The following LMF1 variants were observed in gnomAD, a reference collection of about 807,000 sequenced individuals.
The protein encoded by LMF1 is transmembrane protein 112.
Under a neutral mutation model 60.6 loss-of-function variants are expected in LMF1, and 68 were observed. The ratio of observed to expected loss-of-function variants is 1.12; its 90% CI spans 0.92 to 1.37. The LOEUF (loss-of-function observed/expected upper bound fraction) is 1.37. Among genes scored for constraint, LMF1 ranks in the 40% most tolerant of loss-of-function variants. LMF1 has a pLI of 0.00. For missense variants in LMF1, 948 were observed against 767.2 expected (o/e 1.24, Z -2.78); for synonymous variants, 418 against 324.7 (o/e 1.29, Z -3.09).
intron 5 of LMF1, among the ~76,000 whole-genome samples, chr16:883,043 C>T (rs570382734): frequency 4.5e-4 from 62 of 138,006 alleles, no homozygotes; most frequent in Admixed American, 2.3e-3. Context: ...CGGAGCCCAT[C>T]GCAGGACCAG....
intron 5 of LMF1, among the ~76,000 whole-genome samples, chr16:891,073 A>G (rs2070473291): frequency 2.0e-5 from 3 of 152,226 alleles, no homozygotes; most frequent in Non-Finnish European, 4.4e-5. Flanking sequence ...AGGCACAGGA[A>G]GAACTGGGTG....
intron 10 of LMF1, among the ~76,000 whole-genome samples, chr16:867,262 C>G (rs2069634923): frequency 6.6e-6 from 1 of 152,222 alleles, no homozygotes; most frequent in Non-Finnish European, 1.5e-5. Context: ...TTCAGGTAGA[C>G]TTTGGGACTC....
chr16:854,396 G>T lies in LMF1; in HGVS notation c.*136C>A. 1 of 922,796 alleles carries T rather than the reference G, an allele frequency of 1.1e-6. No individual in the cohort carries two copies. Among genetic ancestry groups the T allele is most frequent in the Non-Finnish European group, 1.7e-6 (1 of 595,786 alleles). 57.2% of individuals were successfully genotyped at this position (922,796 alleles called of 1,614,324 possible). A position where few individuals can be genotyped will look rare whatever the true frequency, so the allele number is the denominator to read the frequency against. On this transcript the variant is annotated 3_prime_UTR_variant, in exon 11 of 11. Transcript: ENST00000262301. ...ACAACAGACCCCACCCTGGACCCCC[G>T]TGCTGGGGGCTGGGTCCCACCGCTC...
chr16:853,761 C>T lies in LMF1; in HGVS notation c.*771G>A, dbSNP rs369699152. ...TGTCCGACGATGATGAAAGTGTGCA[C>T]GGCCGGCTGTCCTCCGATTGAGGGG... On this transcript the variant is annotated 3_prime_UTR_variant, in exon 11 of 11. Transcript: ENST00000262301. 1.4e-4 allele frequency: 65 copies of T among 454,110 alleles called. 2 individuals are homozygous for T. The highest frequency in any genetic ancestry group is 5.6e-4 in the South Asian group (36 of 64,472). The allele number at this position is 454,110 out of a possible 1,614,324, so 28.1% of individuals were successfully genotyped here. A position where few individuals can be genotyped will look rare whatever the true frequency, so the allele number is the denominator to read the frequency against.
chr16:859,900 T>G (rs201264221), intron 10 of LMF1, among the ~76,000 whole-genome samples: 1 of 122,700 alleles, frequency 8.1e-6, no homozygotes. Context: ...TGTCTCGGGA[T>G]GGGTGTGCAG....
chr16:888,843 C>G (rs550925914), intron 5 of LMF1, among the ~76,000 whole-genome samples: 1 of 152,174 alleles, frequency 6.6e-6, no homozygotes, highest in African/African-American at 2.4e-5. Flanking sequence ...GAGGGATGCA[C>G]AGGTGGGCAG....
intron 3 of LMF1, among the ~76,000 whole-genome samples, chr16:927,245 A>T (rs2071636658): frequency 6.6e-6 from 1 of 152,170 alleles, no homozygotes. Context: ...TCTAAAAGTC[A>T]CCCAAGTGGG....
rs2070069558 is a variant in LMF1, at chr16:878,729, CAGGGCAGGGGA to C, written c.897+830_897+840del. ...GCGGCGGTGCTCTGGCAGGGGTGGG[CAGGGCAGGGGA>C]AGGGCGGGGGCAGGGGCGGGCAGGG... On this transcript the variant is annotated intron_variant, in intron 6 of 10. Coordinates refer to ENST00000262301, the MANE Select transcript of LMF1 (RefSeq NM_022773.4). The surrounding 1 kb of genome is among the most constrained non-coding windows in gnomAD (Gnocchi z 5.2). 1.2e-5 allele frequency among the ~76,000 whole-genome samples: 1 copy of C among 85,406 alleles called. No homozygotes were observed. The highest frequency in any genetic ancestry group is 4.6e-4 in the South Asian group (1 of 2,164). The allele number at this position is 85,406 out of a possible 152,430, so 56.0% of individuals were successfully genotyped here.
intron 5 of LMF1, 134 bp downstream of exon 5, chr16:892,873 G>A (rs762282899): frequency 1.8e-4 from 116 of 659,032 alleles, no homozygotes; most frequent in Non-Finnish European, 2.6e-4. Flanking sequence ...GGAGGGAGAG[G>A]ACGTCCTGAA....
At chr16:909,241 GA>G (rs1250271801) in intron 4 of LMF1, among the ~76,000 whole-genome samples, 1 of 152,186 alleles carries the variant, frequency 6.6e-6, no homozygotes, top group Non-Finnish European at 1.5e-5. Flanking sequence ...GGATGTGAGT[GA>G]GGGGGAGGGA....
At position 937,069 on chromosome 16, in the gene LMF1, G is replaced by C. The variant is rs2151790795; in HGVS notation, c.504-2815C>G. Among the ~76,000 whole-genome samples, 3 of 152,242 alleles carry C rather than the reference G, an allele frequency of 2.0e-5. No individual in the cohort carries two copies. The East Asian group carries it at 5.8e-4, about 29-fold the overall frequency. ...AAATACAAGCGTTGTGCAGAGAAGG[G>C]GTGAGTCCAGACGCAGCTGCCTTCA... On this transcript the variant is annotated intron_variant, in intron 2 of 10. Coordinates refer to ENST00000262301, the MANE Select transcript of LMF1 (RefSeq NM_022773.4).
chr16:959,955 G>A (rs1223096809), intron 1 of LMF1, among the ~76,000 whole-genome samples: 2 of 151,054 alleles, frequency 1.3e-5, no homozygotes, highest in African/African-American at 5.0e-5. Context: ...GTTGACCTTC[G>A]TATACTTACA....
chr16:907,192 G>C (rs1053844864), intron 4 of LMF1, among the ~76,000 whole-genome samples: 1 of 152,102 alleles, frequency 6.6e-6, no homozygotes, highest in African/African-American at 2.4e-5. Flanking sequence ...ACAAGGTCAG[G>C]AGGTCGAGAC....
chr16:910,488 G>A (rs902407133), intron 4 of LMF1, among the ~76,000 whole-genome samples: 19 of 152,208 alleles, frequency 1.2e-4, no homozygotes, highest in Non-Finnish European at 7.3e-5. Flanking sequence ...TCAGGACGGC[G>A]GGTCTCATAC....
chr16:879,617 C>T lies in LMF1; in HGVS notation c.850G>A (p.Gly284Ser), dbSNP rs928471580. 80 of 1,613,228 alleles carry T rather than the reference C, an allele frequency of 5.0e-5. No individual in the cohort carries two copies. Among genetic ancestry groups the T allele is most frequent in the Non-Finnish European group, 6.3e-5 (74 of 1,179,768 alleles). The change falls in exon 6 of 11, where the codon GGC (glycine) becomes AGC (serine). Residue 284 changes from glycine (G) to serine (S), a missense_variant. By Grantham distance (56) the Gly-to-Ser change is moderately conservative. Transcript: ENST00000262301. Reference protein sequence around the residue: ...ELLVPFFLFLGRRACIIHGVL... With the variant: ...ELLVPFFLFLSRRACIIHGVL... ...CCGTGGATGATGCACGCCCGCCGGC[C>T]GAGGAAGAGGAAGAAGGGCACCAGG... is the stretch of plus-strand genomic sequence containing the variant.
At position 887,418 on chromosome 16, in the gene LMF1, C is replaced by A. The variant is rs149712579; in HGVS notation, c.729+5589G>T. 1.3e-3 allele frequency among the ~76,000 whole-genome samples: 191 copies of A among 152,330 alleles called. 1 individual carries two copies. Among genetic ancestry groups the A allele is most frequent in the Middle Eastern group, 3.4e-3 (1 of 294 alleles). On this transcript the variant is annotated intron_variant, in intron 5 of 10. Coordinates refer to ENST00000262301, the MANE Select transcript of LMF1 (RefSeq NM_022773.4). ...CAGGCTGAGCACTTCAACACGGATT[C>A]CTGCAGCTCCTGCTGGGAGTGTTGG...
intron 2 of LMF1, chr16:947,734 G>A (rs1443307016): frequency 2.7e-6 from 1 of 369,716 alleles, no homozygotes; most frequent in Non-Finnish European, 5.3e-6. Context: ...CACTGCCAAA[G>A]CCAAGCGCGG....
At chr16:939,360 C>T (rs1344463417) in intron 2 of LMF1, among the ~76,000 whole-genome samples, 1 of 152,218 alleles carries the variant, frequency 6.6e-6, no homozygotes, top group Non-Finnish European at 1.5e-5. Context: ...CAGTAAGTCA[C>T]AGCCCTGCAA....
intron 5 of LMF1, among the ~76,000 whole-genome samples, chr16:892,676 G>T (rs2070524437): frequency 6.6e-6 from 1 of 152,240 alleles, no homozygotes; most frequent in South Asian, 2.1e-4. Flanking sequence ...CCTGTCAGGG[G>T]ACGGTGGGGA....
Sources: allele counts gnomAD v4.1 joint callset (sites outside exome capture counted in the v4.1 genomes callset), GRCh38; gene constraint gnomAD v4.1.1; non-coding constraint Gnocchi (gnomAD v3.1); transcripts MANE v1.5; gene names NCBI Gene and HGNC (gene_info 2026-07-23, HGNC 2026-07-21).